The following RSU1 variants were observed in gnomAD, a reference collection of about 807,000 sequenced individuals.
RSU1 encodes the protein rsu-1.
RSU1 carries 26 observed loss-of-function variants against 31.1 expected under a neutral mutation model. The observed-to-expected ratio is 0.84, with a 90% CI of 0.61 to 1.16. The LOEUF is 1.16. Among genes scored for constraint, RSU1 ranks in the 50% most tolerant of loss-of-function variants. RSU1 has a pLI of 0.00. For missense variants in RSU1, 320 were observed against 339.1 expected (o/e 0.94, Z 0.44); for synonymous variants, 164 against 136.3 (o/e 1.20, Z -1.41).
At chr10:16,765,056 T>A (rs2131632088) in intron 3 of RSU1, among the ~76,000 whole-genome samples, 1 of 152,146 alleles carries the variant, frequency 6.6e-6, no homozygotes. Flanking sequence ...TAAAAATGAG[T>A]ATTATGAAGC....
intron 8 of RSU1, among the ~76,000 whole-genome samples, chr10:16,669,444 G>A (rs992532113): frequency 4.6e-5 from 7 of 151,662 alleles, no homozygotes; most frequent in Non-Finnish European, 8.8e-5. Flanking sequence ...TCTACCAGCT[G>A]CTGATCTTTC....
chr10:16,701,616 A>T (rs988880474), intron 7 of RSU1, among the ~76,000 whole-genome samples: 6 of 56,690 alleles, frequency 1.1e-4, no homozygotes, highest in Non-Finnish European at 2.5e-4. Context: ...AGTACAACTT[A>T]CACACACACA....
At chr10:16,777,855 C>G (rs945706315) in intron 3 of RSU1, among the ~76,000 whole-genome samples, 1 of 152,062 alleles carries the variant, frequency 6.6e-6, no homozygotes, top group Admixed American at 6.6e-5. Flanking sequence ...AGATGACCTT[C>G]GGCATTATTG....
At chr10:16,690,200 T>C (rs1043640914) in intron 8 of RSU1, among the ~76,000 whole-genome samples, 1 of 152,282 alleles carries the variant, frequency 6.6e-6, no homozygotes, top group Admixed American at 6.5e-5. Context: ...ATAATTCTGC[T>C]TCAAAGAAAT....
intron 2 of RSU1, among the ~76,000 whole-genome samples, chr10:16,795,126 G>C (rs1358543312): frequency 6.6e-6 from 1 of 152,136 alleles, no homozygotes; most frequent in African/African-American, 2.4e-5. Context: ...GGCCGGGGCA[G>C]GCAGATCACC....
At chr10:16,762,696 C>G (rs1044542399) in intron 4 of RSU1, among the ~76,000 whole-genome samples, 1 of 152,142 alleles carries the variant, frequency 6.6e-6, no homozygotes, top group African/African-American at 2.4e-5. Context: ...AAAAATCACT[C>G]CATGAATGAG....
intron 2 of RSU1, among the ~76,000 whole-genome samples, chr10:16,784,243 G>A (rs1328225620): frequency 6.6e-6 from 1 of 151,868 alleles, no homozygotes; most frequent in African/African-American, 2.4e-5. Context: ...CACCATTCTT[G>A]CTTGATTTAA....
At chr10:16,640,029 G>C (rs749507713) in intron 8 of RSU1, among the ~76,000 whole-genome samples, 1 of 152,090 alleles carries the variant, frequency 6.6e-6, no homozygotes, top group South Asian at 2.1e-4. Context: ...TATCTACAAA[G>C]TTATGGGCCA....
chr10:16,716,557 A>G (rs796805654), intron 7 of RSU1, among the ~76,000 whole-genome samples: 7 of 152,216 alleles, frequency 4.6e-5, no homozygotes, highest in African/African-American at 1.7e-4. Flanking sequence ...CATACATGAT[A>G]TGAGCACCAA....
chr10:16,714,851 G>A (rs1836104662), intron 7 of RSU1, among the ~76,000 whole-genome samples: 1 of 152,154 alleles, frequency 6.6e-6, no homozygotes, highest in African/African-American at 2.4e-5. Flanking sequence ...GGTCCTCAAT[G>A]TGGACACTGA....
At chr10:16,666,594 A>G (rs1381181768) in intron 8 of RSU1, among the ~76,000 whole-genome samples, 2 of 152,132 alleles carry the variant, frequency 1.3e-5, no homozygotes, top group Admixed American at 6.6e-5. Flanking sequence ...AAAATAGTCC[A>G]AAACTATTAT....
chr10:16,614,335 G>A (rs1471174847), intron 8 of RSU1, among the ~76,000 whole-genome samples: 1 of 152,002 alleles, frequency 6.6e-6, no homozygotes, highest in Non-Finnish European at 1.5e-5. Context: ...TGGAGATAGA[G>A]AGGAGAAGGA....
chr10:16,613,309 T>A (rs1261759751), intron 8 of RSU1, among the ~76,000 whole-genome samples: 1 of 152,214 alleles, frequency 6.6e-6, no homozygotes, highest in Non-Finnish European at 1.5e-5. Flanking sequence ...GCTCCTGGAA[T>A]TGCTTGTAAG....
chr10:16,611,364 C>A (rs549582166), intron 8 of RSU1, among the ~76,000 whole-genome samples: 7 of 152,312 alleles, frequency 4.6e-5, no homozygotes, highest in Admixed American at 1.3e-4. Context: ...GCTTAGAAAT[C>A]CCCTGGTTAT....
intron 7 of RSU1, among the ~76,000 whole-genome samples, chr10:16,696,864 A>T (rs1220175081): frequency 6.6e-6 from 1 of 151,900 alleles, no homozygotes. Flanking sequence ...TTACTTAGGG[A>T]GGGGGTTTTT....
intron 3 of RSU1, 42 bp downstream of exon 3, chr10:16,781,992 C>A: frequency 6.4e-7 from 1 of 1,565,518 alleles, no homozygotes; most frequent in Non-Finnish European, 8.8e-7. Flanking sequence ...CATAGGATTA[C>A]CTAAATGTCA....
At chr10:16,662,371 A>T (rs567082195) in intron 8 of RSU1, among the ~76,000 whole-genome samples, 9 of 152,334 alleles carry the variant, frequency 5.9e-5, no homozygotes, top group African/African-American at 2.2e-4. Flanking sequence ...CTTGTGAACT[A>T]ACATGTGTTT....
Position 16,785,526 on chromosome 10 carries a change from A to ATACACATATATACATATATACATATAT in RSU1, c.110-3443_110-3442insATATATGTATATATGTATATATGTGTA. On this transcript the variant is annotated intron_variant, in intron 2 of 8. Coordinates refer to ENST00000345264, the MANE Select transcript of RSU1 (RefSeq NM_012425.4). ...CACATATATACATATATATATATAT[A>ATACACATATATACATATATACATATAT]ATATTAGTTCTTTCCCTCTAGAGAA... is the stretch of plus-strand genomic sequence containing the variant. Among the ~76,000 whole-genome samples the ATACACATATATACATATATACATATAT allele has an allele frequency of 1.3e-4, 19 of 141,784 alleles. No homozygotes were observed. In the East Asian group the frequency reaches 1.4e-3, roughly 10 times the overall value. 93.0% of individuals were successfully genotyped at this position (141,784 alleles called of 152,430 possible). A position where few individuals can be genotyped will look rare whatever the true frequency, so the allele number is the denominator to read the frequency against.
intron 8 of RSU1, among the ~76,000 whole-genome samples, chr10:16,607,723 GC>G (rs777657634): frequency 3.2e-4 from 48 of 152,146 alleles, no homozygotes; most frequent in Non-Finnish European, 6.5e-4. Context: ...AACATGCTTT[GC>G]CCAGGAACCC....
Sources: gnomAD v4.1 joint callset for allele counts (sites outside exome capture counted in the v4.1 genomes callset) on GRCh38, gnomAD v4.1.1 for gene constraint, MANE v1.5 for transcripts, NCBI Gene and HGNC (gene_info 2026-07-23, HGNC 2026-07-21) for gene names.